The following MAP3K9 variants were observed in gnomAD, a reference collection of about 807,000 sequenced individuals.
The protein encoded by MAP3K9 is mitogen-activated protein kinase kinase kinase 9.
In MAP3K9, 46 loss-of-function variants were observed where a neutral mutation model predicts 95.8. The observed-to-expected ratio is 0.48, with a 90% confidence interval of 0.38 to 0.61. The LOEUF is 0.61. Ranked by LOEUF, MAP3K9 falls within the 20% of genes least tolerant of loss-of-function variation. The probability of loss-of-function intolerance (pLI) is 0.00; values close to 1 mark genes in which losing one functional copy is unlikely to be tolerated. For missense variants in MAP3K9, 1,296 were observed against 1,474.3 expected, an observed-to-expected ratio of 0.88 and a Z score of 1.98; for synonymous variants, 533 against 593.8, an observed-to-expected ratio of 0.90 and a Z score of 1.49.
At chr14:70,765,592 G>A (rs1233480369) in intron 2 of MAP3K9, 5 of 511,858 alleles carry the variant, frequency 9.8e-6, no homozygotes, top group African/African-American at 1.9e-5. Flanking sequence ...CATTACAATT[G>A]TCTACAATAT....
At chr14:70,774,089 A>T (rs1456143788) in intron 2 of MAP3K9, among the ~76,000 whole-genome samples, 3 of 152,234 alleles carry the variant, frequency 2.0e-5, no homozygotes, top group Admixed American at 6.5e-5. Context: ...AAGTTAATCA[A>T]CCTGAAATCT....
intron 5 of MAP3K9, among the ~76,000 whole-genome samples, chr14:70,745,644 A>G (rs1265814126): frequency 6.6e-6 from 1 of 152,098 alleles, no homozygotes; most frequent in Non-Finnish European, 1.5e-5. Context: ...AGGCTGAGGC[A>G]GGAGAATTGC....
intron 2 of MAP3K9, among the ~76,000 whole-genome samples, chr14:70,775,452 T>C (rs2054585912): frequency 6.6e-6 from 1 of 152,228 alleles, no homozygotes. Flanking sequence ...GTTGAGAAGA[T>C]ACATCTCTAC....
chr14:70,797,580 A>G (rs879613016), intron 2 of MAP3K9, among the ~76,000 whole-genome samples: 13 of 152,092 alleles, frequency 8.5e-5, no homozygotes, highest in African/African-American at 2.7e-4. Flanking sequence ...TCTACTAAAA[A>G]TACAAAAATT....
At chr14:70,807,645 T>C (rs957541880) in intron 1 of MAP3K9, among the ~76,000 whole-genome samples, 11 of 152,156 alleles carry the variant, frequency 7.2e-5, no homozygotes, top group Admixed American at 2.0e-4. Flanking sequence ...AAGATGAAAG[T>C]ATACAAAATA....
intron 2 of MAP3K9, among the ~76,000 whole-genome samples, chr14:70,773,306 A>C (rs1311330663): frequency 6.6e-6 from 1 of 152,250 alleles, no homozygotes; most frequent in Non-Finnish European, 1.5e-5. Context: ...GGGTTAAAGC[A>C]GAAGGACAGA....
At chr14:70,783,134 C>G (rs1346785911) in intron 2 of MAP3K9, 1 of 296,056 alleles carries the variant, frequency 3.4e-6, no homozygotes, top group Non-Finnish European at 5.0e-6. Context: ...CACATCAAAT[C>G]AAGCATCAAA....
At chr14:70,741,096 C>CTT in intron 6 of MAP3K9, among the ~76,000 whole-genome samples, 1 of 147,872 alleles carries the variant, frequency 6.8e-6, no homozygotes, top group African/African-American at 2.5e-5. Flanking sequence ...GTTCCTTACA[C>CTT]TTTTTTTTTT....
rs779167690 is a variant in MAP3K9, at chr14:70,808,865, C to G, written c.307G>C (p.Val103Leu). Residue 103 changes from valine (V) to leucine (L), a missense_variant, in exon 1 of 12, where the codon GTG (valine) becomes CTG (leucine). Transcript: ENST00000554752. ...ACGTAGTTGCTGGGGAAGATGCCCA[C>G]CCGCTGGTTCAGCTGCCCGGTCCAC... ...GWWTGQLNQRVGIFPSNYVTP... is the reference protein window; with the variant it reads ...GWWTGQLNQRLGIFPSNYVTP... The G allele has an allele frequency of 6.2e-7, 1 of 1,600,430 alleles. No individual in the cohort carries two copies. Among genetic ancestry groups the G allele is most frequent in the South Asian group, 1.1e-5 (1 of 88,784 alleles).
chr14:70,726,201 G>A lies in MAP3K9; in HGVS notation c.*4179C>T, dbSNP rs961968603. 2 of 152,350 alleles carry A rather than the reference G, an allele frequency of 1.3e-5. No homozygotes were observed. Among genetic ancestry groups the A allele is most frequent in the Admixed American group, 1.3e-4 (2 of 15,288 alleles). The allele number at this position is 152,350 out of a possible 1,614,324, so 9.4% of individuals were successfully genotyped here. A position where few individuals can be genotyped will look rare whatever the true frequency, so the allele number is the denominator to read the frequency against. On this transcript the variant is annotated 3_prime_UTR_variant, in exon 12 of 12. Coordinates refer to ENST00000554752, the MANE Select transcript of MAP3K9 (RefSeq NM_001284230.2). The stretch of plus-strand genomic sequence containing the variant: ...AGGTGTCTCCTTCACACAAGGGAAG[G>A]AGGAGGGAGGGAGGTCTCCAATGTG...
intron 2 of MAP3K9, among the ~76,000 whole-genome samples, chr14:70,788,794 G>C (rs2054775609): frequency 6.6e-6 from 1 of 152,180 alleles, no homozygotes; most frequent in Non-Finnish European, 1.5e-5. Context: ...AGGAAACAAA[G>C]CTCTTATACA....
chr14:70,732,450 G>A (rs1234016334), intron 11 of MAP3K9, 89 bp downstream of exon 11: 27 of 1,467,848 alleles, frequency 1.8e-5, no homozygotes, highest in Admixed American at 5.0e-5. Context: ...CTCAAATCCC[G>A]AAGTGGAAAG....
At chr14:70,794,180 T>G (rs1364458589) in intron 2 of MAP3K9, among the ~76,000 whole-genome samples, 2 of 152,094 alleles carry the variant, frequency 1.3e-5, no homozygotes, top group African/African-American at 4.8e-5. Flanking sequence ...AGAAAGTGCC[T>G]CTAGAAGAAG....
intron 3 of MAP3K9, among the ~76,000 whole-genome samples, chr14:70,752,565 T>C (rs2054244010): frequency 6.6e-6 from 1 of 152,166 alleles, no homozygotes; most frequent in Non-Finnish European, 1.5e-5. Context: ...CTCCAGGAAC[T>C]CTCAGCATTG....
chr14:70,790,404 C>A (rs539201543), intron 2 of MAP3K9, among the ~76,000 whole-genome samples: 53 of 152,194 alleles, frequency 3.5e-4, no homozygotes, highest in Non-Finnish European at 6.5e-4. Context: ...TCAGAGACCA[C>A]CTGTCCAAAC....
At chr14:70,730,939 C>T in intron 11 of MAP3K9, 75 bp from the exon 12 acceptor site, 1 of 1,425,600 alleles carries the variant, frequency 7.0e-7, no homozygotes, top group Non-Finnish European at 9.4e-7. Context: ...TACTCCCCCC[C>T]AACACCACCA....
intron 2 of MAP3K9, chr14:70,765,515 T>C (rs2054438116): frequency 1.5e-6 from 1 of 675,708 alleles, no homozygotes; most frequent in African/African-American, 1.8e-5. Flanking sequence ...TTTTTATTTT[T>C]ATATCATATT....
intron 2 of MAP3K9, among the ~76,000 whole-genome samples, chr14:70,779,162 A>T (rs2054641033): frequency 6.6e-6 from 1 of 152,228 alleles, no homozygotes; most frequent in Admixed American, 6.5e-5. Flanking sequence ...GAGAAGAAGG[A>T]GCCGCAGTGA....
intron 2 of MAP3K9, among the ~76,000 whole-genome samples, chr14:70,779,541 A>G (rs1020877699): frequency 1.3e-5 from 2 of 152,176 alleles, no homozygotes; most frequent in African/African-American, 4.8e-5. Context: ...CCTGTATGTC[A>G]CCAATCTCAC....
Sources: gnomAD v4.1 joint callset for allele counts (sites outside exome capture counted in the v4.1 genomes callset) on GRCh38, gnomAD v4.1.1 for gene constraint, MANE v1.5 for transcripts, NCBI Gene and HGNC (gene_info 2026-07-23, HGNC 2026-07-21) for gene names.